Variants in ING5 observed in about 807,000 individuals in gnomAD.
ING5 encodes the protein inhibitor of growth protein 5.
Under a neutral mutation model 37.4 loss-of-function variants are expected in ING5, and 17 were observed. The observed-to-expected ratio is 0.45, with a 90% CI of 0.31 to 0.68. The LOEUF (loss-of-function observed/expected upper bound fraction) is 0.68. Among genes scored for constraint, ING5 ranks in the 30% least tolerant of loss-of-function variants. The pLI is 0.05. For synonymous variants in ING5, 123 were observed against 116.6 expected (o/e 1.06, Z -0.36); for missense variants, 233 against 311.9 (o/e 0.75, Z 1.91).
At position 241,728,000 on chromosome 2, in the gene ING5, T is replaced by G. The variant is rs577803376; in HGVS notation, c.*2969T>G. On this transcript the variant is annotated 3_prime_UTR_variant, in exon 8 of 8. Transcript: ENST00000313552. ...TTTCTGTGCTTAGTGTTTTTAATGT[T>G]TACTTTTGCCACTTACAATAATATC... The G allele has an allele frequency of 6.6e-6, 1 of 152,388 alleles. No individual in the cohort carries two copies. The highest frequency in any genetic ancestry group is 2.4e-5 in the African/African-American group (1 of 41,580). The allele number at this position is 152,388 out of a possible 1,614,324, so 9.4% of individuals were successfully genotyped here.
chr2:241,691,539 A>AGT (rs1220696759), intron 2 of ING5, among the ~76,000 whole-genome samples: 1 of 107,440 alleles, frequency 9.3e-6, no homozygotes, highest in Non-Finnish European at 2.1e-5. Context: ...CAGGGAATAA[A>AGT]GTCTCTCACC....
chr2:241,692,633 A>C (rs1480973183), intron 2 of ING5, among the ~76,000 whole-genome samples: 1 of 152,102 alleles, frequency 6.6e-6, no homozygotes, highest in African/African-American at 2.4e-5. Context: ...ATACCAGTGA[A>C]AGTACTGATG....
chr2:241,696,821 T>C (rs2069636600), intron 2 of ING5, among the ~76,000 whole-genome samples: 1 of 152,108 alleles, frequency 6.6e-6, no homozygotes, highest in African/African-American at 2.4e-5. Context: ...TGGTGGCTTA[T>C]GCCTCTCATC....
chr2:241,697,031 G>A (rs372318418), intron 2 of ING5, among the ~76,000 whole-genome samples: 5 of 151,962 alleles, frequency 3.3e-5, no homozygotes, highest in Non-Finnish European at 7.4e-5. Context: ...GCAGTGAGCC[G>A]AGATTGCGCC....
intron 7 of ING5, among the ~76,000 whole-genome samples, chr2:241,723,593 G>A (rs941285553): frequency 1.3e-5 from 2 of 152,266 alleles, no homozygotes; most frequent in African/African-American, 2.4e-5. Flanking sequence ...GGGAGGTAGG[G>A]ATCGTCTTAA....
At chr2:241,715,489 T>C (rs993545431) in intron 5 of ING5, among the ~76,000 whole-genome samples, 2 of 145,518 alleles carry the variant, frequency 1.4e-5, no homozygotes, top group Admixed American at 1.4e-4. Context: ...TTTTTTTTTT[T>C]TTTTTTTTGG....
chr2:241,707,383 C>T (rs748320649), intron 2 of ING5, among the ~76,000 whole-genome samples: 4 of 151,868 alleles, frequency 2.6e-5, no homozygotes, highest in African/African-American at 9.7e-5. Flanking sequence ...CTCCGCCTCC[C>T]GGGTTCAAGC....
exon 1 of ING5, chr2:241,687,682 G>C (rs7371228): frequency 0.39 from 86,375 of 223,446 alleles, 17,114 homozygotes; most frequent in Middle Eastern, 0.48. Flanking sequence ...CGGCCGCCAC[G>C]ACGCCCGGCT....
intron 2 of ING5, among the ~76,000 whole-genome samples, chr2:241,693,102 TAC>T (rs1244868238): frequency 6.6e-6 from 1 of 151,846 alleles, no homozygotes; most frequent in Non-Finnish European, 1.5e-5. Flanking sequence ...CTACTAAATA[TAC>T]ACAAATTAGC....
chr2:241,717,884 C>T (rs2070318729), intron 5 of ING5, among the ~76,000 whole-genome samples: 1 of 152,190 alleles, frequency 6.6e-6, no homozygotes, highest in Non-Finnish European at 1.5e-5. Context: ...TTTTTGTGCT[C>T]TCCTTTCTCC....
chr2:241,711,345 T>C (rs200608669), intron 3 of ING5, 32 bp from the exon 4 acceptor site: 3 of 1,445,624 alleles, frequency 2.1e-6, no homozygotes, highest in East Asian at 5.2e-5. Context: ...TTGGTTTTAC[T>C]TTAAAATAAG....
At chr2:241,723,371 C>A in intron 7 of ING5, 100 bp downstream of exon 7, 1 of 1,297,482 alleles carries the variant, frequency 7.7e-7, no homozygotes, top group Non-Finnish European at 1.1e-6. Flanking sequence ...TCTTGCCGGG[C>A]TTAGCGGGAC....
Position 241,725,068 on chromosome 2 carries a change from T to C in ING5, c.*37T>C. 6.2e-7 allele frequency: 1 copy of C among 1,604,256 alleles called. No individual in the cohort carries two copies. Among genetic ancestry groups the C allele is most frequent in the Non-Finnish European group, 8.5e-7 (1 of 1,170,972 alleles). On this transcript the variant is annotated 3_prime_UTR_variant, in exon 8 of 8. Transcript: ENST00000313552. ...TGCCCGGATCCGAGGAGCAAGTTAA[T>C]CTGTCCCTTCATTCGTGTCGCAATA... is the stretch of plus-strand genomic sequence containing the variant.
exon 1 of ING5, chr2:241,687,375 G>A: frequency 2.5e-6 from 1 of 398,910 alleles, no homozygotes; most frequent in Non-Finnish European, 4.4e-6. Context: ...ACTGCGTTCT[G>A]GAAACGCTGT....
At position 241,711,990 on chromosome 2, in the gene ING5, A is replaced by G; in HGVS notation, c.401A>G (p.Gln134Arg). Reference protein sequence around the residue: ...GGRGLKKGRGQKEKRGSRGRG... With the variant: ...GGRGLKKGRGRKEKRGSRGRG... ...GATTATTTTTCAGAAGGCCGGGGTC[A>G]GAAAGAAAAAAGAGGGTCCCGGGGC... Residue 134 changes from glutamine to arginine, a missense_variant, in exon 5 of 8, where the codon CAG becomes CGG. By Grantham distance (43) the Gln-to-Arg change is conservative. This residue lies in a region of ING5 where 76 missense variants were observed against 68.2 expected (regional missense o/e 1.11). Coordinates refer to ENST00000313552, the MANE Select transcript of ING5 (RefSeq NM_032329.6). 5.6e-6 allele frequency: 9 copies of G among 1,606,850 alleles called. No individual in the cohort carries two copies. The highest frequency in any genetic ancestry group is 7.6e-6 in the Non-Finnish European group (9 of 1,177,438).
At chr2:241,691,448 A>AC (rs2069553360) in intron 2 of ING5, among the ~76,000 whole-genome samples, 3 of 148,718 alleles carry the variant, frequency 2.0e-5, no homozygotes, top group South Asian at 2.1e-4. Flanking sequence ...CAAAAAAAAA[A>AC]AACAAAAACA....
chr2:241,723,104 G>C, intron 6 of ING5, 30 bp downstream of exon 6: 1 of 1,614,202 alleles, frequency 6.2e-7, no homozygotes, highest in Non-Finnish European at 8.5e-7. Flanking sequence ...TTCGCGCCAT[G>C]GGGCGGGGTC....
intron 2 of ING5, among the ~76,000 whole-genome samples, chr2:241,696,297 C>T (rs2069629133): frequency 6.6e-6 from 1 of 151,710 alleles, no homozygotes; most frequent in African/African-American, 2.4e-5. Flanking sequence ...AGGCCAAGGC[C>T]GGAGAATCGC....
intron 3 of ING5, among the ~76,000 whole-genome samples, chr2:241,711,074 G>T (rs1559305984): frequency 6.6e-6 from 1 of 152,142 alleles, no homozygotes; most frequent in African/African-American, 2.4e-5. Flanking sequence ...TTTAAAGTAG[G>T]GTTCAGCGTC....
Sources: gnomAD v4.1 joint callset for allele counts (sites outside exome capture counted in the v4.1 genomes callset) on GRCh38, gnomAD v4.1.1 for gene constraint, gnomAD v4.1.1 regional missense constraint, MANE v1.5 for transcripts, NCBI Gene and HGNC (gene_info 2026-07-23, HGNC 2026-07-21) for gene names.